The following TBC1D13 variants were observed in gnomAD, a reference collection of about 807,000 sequenced individuals.
The protein encoded by TBC1D13 is epididymis secretory sperm binding protein.
Under a neutral mutation model 53.6 loss-of-function variants are expected in TBC1D13, and 40 were observed. The observed-to-expected ratio is 0.75, with a 90% CI of 0.58 to 0.97. The LOEUF (loss-of-function observed/expected upper bound fraction) is 0.97, where lower values mean the gene tolerates loss of function less well. TBC1D13 is among the 50% of genes least tolerant of loss of function. The pLI is 0.00. For synonymous variants in TBC1D13, 182 were observed against 197.7 expected (o/e 0.92, Z 0.67); for missense variants, 377 against 499.4 (o/e 0.75, Z 2.34).
intron 7 of TBC1D13, among the ~76,000 whole-genome samples, chr9:128,799,803 T>G (rs981685971): frequency 2.0e-5 from 3 of 152,096 alleles, no homozygotes; most frequent in African/African-American, 7.2e-5. Flanking sequence ...GGGCGGATCA[T>G]GAGGTCAGGA....
chr9:128,789,420 C>A (rs994908330), intron 2 of TBC1D13, among the ~76,000 whole-genome samples: 1 of 151,272 alleles, frequency 6.6e-6, no homozygotes, highest in Non-Finnish European at 1.5e-5. Context: ...AGGGATACTA[C>A]AGCAGCAACT....
chr9:128,792,393 G>A, intron 5 of TBC1D13, 99 bp from the exon 6 acceptor site: 1 of 996,416 alleles, frequency 1.0e-6, no homozygotes, highest in South Asian at 1.4e-5. Context: ...GTGTGCAGTG[G>A]GATTGTTGCA....
Position 128,806,297 on chromosome 9 carries a change from A to G in TBC1D13, c.1123A>G (p.Met375Val), listed in dbSNP as rs543364145. Residue 375 changes from methionine (M) to valine (V), a missense_variant, in exon 11 of 12, where the codon ATG becomes GTG. Coordinates refer to ENST00000372648, the MANE Select transcript of TBC1D13 (RefSeq NM_018201.5). The part of the protein sequence containing the change: ...QLLEGDFTVN[M>V]RLLQDYPITD... The stretch of plus-strand genomic sequence containing the variant: ...GCTGGAAGGGGACTTCACTGTGAAT[A>G]TGCGGCTGCTGCAGGTAATGGGAGT... 7 of 1,614,122 alleles carry G rather than the reference A, an allele frequency of 4.3e-6. No individual in the cohort carries two copies. In the South Asian group the frequency reaches 6.6e-5, roughly 15 times the overall value.
At chr9:128,790,445 G>A (rs1162748058) in intron 2 of TBC1D13, among the ~76,000 whole-genome samples, 3 of 151,326 alleles carry the variant, frequency 2.0e-5, no homozygotes, top group East Asian at 2.0e-4. Context: ...ACAGTGGCGC[G>A]TGCCTGTAAT....
chr9:128,799,000 CA>C (rs1829685275), intron 7 of TBC1D13, among the ~76,000 whole-genome samples: 1 of 152,326 alleles, frequency 6.6e-6, no homozygotes, highest in African/African-American at 2.4e-5. Flanking sequence ...AGGCGTGAGC[CA>C]CCACACCCAG....
rs762012145 is a variant in TBC1D13 at position 128,805,947 on chromosome 9, G to A, written c.1007G>A (p.Arg336His). 18 of 1,614,150 alleles carry A rather than the reference G, an allele frequency of 1.1e-5. No homozygotes were observed. Among genetic ancestry groups the A allele is most frequent in the East Asian group, 2.2e-5 (1 of 44,884 alleles). The change falls in exon 10 of 12, where the codon CGC becomes CAC. Residue 336 changes from arginine (R) to histidine (H), a missense_variant. Physicochemically the swap from Arg to His is conservative, Grantham distance 29. Transcript: ENST00000372648. ...GAGTTCTTGCTGCCTGACGTCATCCGCATCTGGGACTCCCTCTTCGCCGAT... is the reference window on the plus strand; with the variant it reads ...GAGTTCTTGCTGCCTGACGTCATCCACATCTGGGACTCCCTCTTCGCCGAT... Reference protein sequence around the residue: ...SQEFLLPDVIRIWDSLFADDN... With the variant: ...SQEFLLPDVIHIWDSLFADDN...
chr9:128,798,292 A>T (rs1269124236), intron 7 of TBC1D13, among the ~76,000 whole-genome samples: 2 of 150,974 alleles, frequency 1.3e-5, no homozygotes, highest in East Asian at 3.9e-4. Context: ...GGTGGAGAGG[A>T]GGGCATATGC....
At chr9:128,792,123 G>C (rs1385475210) in intron 5 of TBC1D13, among the ~76,000 whole-genome samples, 1 of 152,240 alleles carries the variant, frequency 6.6e-6, no homozygotes, top group Non-Finnish European at 1.5e-5. Context: ...ACGACTCAGA[G>C]CATCGATGAA....
At position 128,808,179 on chromosome 9, in the gene TBC1D13, C is replaced by T; in HGVS notation, c.*300C>T. The T allele has an allele frequency of 2.4e-6, 1 of 408,190 alleles. No individual in the cohort carries two copies. The highest frequency in any genetic ancestry group is 4.6e-6 in the Non-Finnish European group (1 of 217,002). The allele number at this position is 408,190 out of a possible 1,614,324, so 25.3% of individuals were successfully genotyped here. The stretch of plus-strand genomic sequence containing the variant: ...CACTGGGAGGCTGGCAGGGGCCCCT[C>T]CCTGCCTCGGCTCTGCCGCCCCAGC... On this transcript the variant is annotated 3_prime_UTR_variant, in exon 12 of 12. Transcript: ENST00000372648.
chr9:128,807,760 G>A, intron 11 of TBC1D13, 54 bp from the exon 12 acceptor site: 2 of 1,578,018 alleles, frequency 1.3e-6, no homozygotes, highest in Admixed American at 1.7e-5. Context: ...GGGTGTGGGT[G>A]TGGCAGGGGT....
chr9:128,802,837 T>C (rs895769757), intron 7 of TBC1D13, among the ~76,000 whole-genome samples: 1 of 151,626 alleles, frequency 6.6e-6, no homozygotes, highest in Non-Finnish European at 1.5e-5. Context: ...TGGTCTCAAG[T>C]GATCCTCTTG....
At chr9:128,806,141 G>A in intron 10 of TBC1D13, 113 bp from the exon 11 acceptor site, 4 of 1,590,036 alleles carry the variant, frequency 2.5e-6, no homozygotes, top group Non-Finnish European at 3.4e-6. Context: ...TGGGATTCTG[G>A]AGTCCTTGGG....
At chr9:128,800,602 A>G (rs898397925) in intron 7 of TBC1D13, among the ~76,000 whole-genome samples, 2 of 151,774 alleles carry the variant, frequency 1.3e-5, no homozygotes, top group African/African-American at 4.8e-5. Context: ...AAAGTGATCC[A>G]CCCACCTCAG....
At chr9:128,796,541 G>A (rs1463274120) in intron 6 of TBC1D13, among the ~76,000 whole-genome samples, 2 of 152,010 alleles carry the variant, frequency 1.3e-5, no homozygotes, top group Non-Finnish European at 2.9e-5. Context: ...GTGAGCCACC[G>A]TGCCCAGCCA....
chr9:128,804,140 C>T lies in TBC1D13; in HGVS notation c.918+21C>T, dbSNP rs376388168. ...AACTGGTGAGGACCCCAGGAACAGACGGGTGGAAAGGGACAGGAGGCAGAG... is the reference window on the plus strand; with the variant it reads ...AACTGGTGAGGACCCCAGGAACAGATGGGTGGAAAGGGACAGGAGGCAGAG... On this transcript the variant is annotated intron_variant, in intron 9 of 11. Coordinates refer to ENST00000372648, the MANE Select transcript of TBC1D13 (RefSeq NM_018201.5). The T allele has an allele frequency of 3.9e-5, 63 of 1,611,716 alleles. No homozygotes were observed. The Admixed American group carries it at 4.7e-4, about 12-fold the overall frequency.
chr9:128,803,601 G>A (rs997916088), intron 8 of TBC1D13, 141 bp downstream of exon 8: 4 of 774,994 alleles, frequency 5.2e-6, no homozygotes, highest in Admixed American at 4.9e-5. Flanking sequence ...TTGCAGCTGT[G>A]ATCTTCTAGA....
intron 11 of TBC1D13, among the ~76,000 whole-genome samples, chr9:128,807,220 G>T (rs1829852530): frequency 6.6e-6 from 1 of 151,750 alleles, no homozygotes; most frequent in Non-Finnish European, 1.5e-5. Context: ...CCGAGTAGCT[G>T]GGATTACAGG....
chr9:128,808,479 C>T lies in TBC1D13; in HGVS notation c.*600C>T. 1 of 147,854 alleles carries T rather than the reference C, an allele frequency of 6.8e-6. No individual in the cohort carries two copies. Among genetic ancestry groups the T allele is most frequent in the Non-Finnish European group, 1.4e-5 (1 of 70,718 alleles). The allele number at this position is 147,854 out of a possible 1,614,324, so 9.2% of individuals were successfully genotyped here. A position where few individuals can be genotyped will look rare whatever the true frequency, so the allele number is the denominator to read the frequency against. ...TGTTAGGGAGTGAGGGTCTCTCAGGCCTCCAGGTCTCCCAGCCCCTCCTTC... is the reference window on the plus strand; with the variant it reads ...TGTTAGGGAGTGAGGGTCTCTCAGGTCTCCAGGTCTCCCAGCCCCTCCTTC... On this transcript the variant is annotated 3_prime_UTR_variant, in exon 12 of 12. Transcript: ENST00000372648.
At position 128,791,420 on chromosome 9, in the gene TBC1D13, C is replaced by G; in HGVS notation, c.179C>G (p.Thr60Ser). 6.2e-7 allele frequency: 1 copy of G among 1,614,174 alleles called. No individual in the cohort carries two copies. The highest frequency in any genetic ancestry group is 8.5e-7 in the Non-Finnish European group (1 of 1,180,032). Residue 60 changes from threonine to serine, a missense_variant, in exon 4 of 12, where the codon ACC becomes AGC. Transcript: ENST00000372648. The stretch of plus-strand genomic sequence containing the variant: ...CTTCCCTTGGAGAGAGCCTCATGGA[C>G]CTCCATCCTGGCCAAGCAGAGGTGA... ...NYLPLERASW[T>S]SILAKQRELY...
Sources: gnomAD v4.1 joint callset for allele counts (sites outside exome capture counted in the v4.1 genomes callset) on GRCh38, gnomAD v4.1.1 for gene constraint, MANE v1.5 for transcripts, NCBI Gene and HGNC (gene_info 2026-07-23, HGNC 2026-07-21) for gene names.